Variants in THADA observed in about 807,000 individuals in gnomAD.
The protein encoded by THADA is THADA armadillo repeat containing.
Under a neutral mutation model 219.8 loss-of-function variants are expected in THADA, and 213 were observed. The ratio of observed to expected loss-of-function variants is 0.97; its 90% CI spans 0.87 to 1.09. The LOEUF (loss-of-function observed/expected upper bound fraction) is 1.09, where lower values mean the gene tolerates loss of function less well. Among genes scored for constraint, THADA ranks in the 50% least tolerant of loss-of-function variants. The pLI is 0.00. For missense variants in THADA, 2,956 were observed against 2,311.3 expected (o/e 1.28, Z -5.72); for synonymous variants, 1,018 against 828.9 (o/e 1.23, Z -3.92).
intron 31 of THADA, among the ~76,000 whole-genome samples, chr2:43,314,290 A>G (rs1469893321): frequency 6.6e-6 from 1 of 152,214 alleles, no homozygotes; most frequent in Non-Finnish European, 1.5e-5. Context: ...AATATATTAC[A>G]CATACACATA....
At chr2:43,381,707 T>C (rs1558668430) in intron 29 of THADA, among the ~76,000 whole-genome samples, 1 of 151,848 alleles carries the variant, frequency 6.6e-6, no homozygotes, top group Non-Finnish European at 1.5e-5. Context: ...GCCTCCTGAG[T>C]GGCTGAGATT....
rs1325550343 is a variant in THADA at position 43,452,969 on chromosome 2, AGT to A, written c.3837-22669_3837-22668del. Among the ~76,000 whole-genome samples the A allele has an allele frequency of 8.5e-5, 13 of 152,234 alleles. No individual in the cohort carries two copies. In the East Asian group the frequency reaches 2.3e-3, roughly 27 times the overall value. On this transcript the variant is annotated intron_variant, in intron 26 of 37. Transcript: ENST00000405975. Reference sequence around the variant, plus strand: ...TCCCGTGCAAATCAAACCAGAAAAGAGTGTGTGTATTTGTTCTTATTCAGGCT... The same window carrying A: ...TCCCGTGCAAATCAAACCAGAAAAGAGTGTGTATTTGTTCTTATTCAGGCT...
At chr2:43,411,701 A>G (rs780572508) in intron 28 of THADA, among the ~76,000 whole-genome samples, 4 of 152,164 alleles carry the variant, frequency 2.6e-5, no homozygotes, top group Non-Finnish European at 5.9e-5. Flanking sequence ...GATGAAACAA[A>G]ACTGATTACA....
At chr2:43,295,265 G>A (rs1033591460) in intron 31 of THADA, among the ~76,000 whole-genome samples, 3 of 152,220 alleles carry the variant, frequency 2.0e-5, no homozygotes, top group Non-Finnish European at 4.4e-5. Flanking sequence ...ATGCCTAAAT[G>A]CCCAAAATCA....
At chr2:43,309,790 T>G (rs1259399645) in intron 31 of THADA, among the ~76,000 whole-genome samples, 2 of 152,198 alleles carry the variant, frequency 1.3e-5, no homozygotes, top group East Asian at 3.9e-4. Context: ...GTATTGGAGG[T>G]TCTAGCCAGA....
intron 30 of THADA, among the ~76,000 whole-genome samples, chr2:43,334,779 C>CA (rs985874636): frequency 0.012 from 1,688 of 140,818 alleles, 15 homozygotes; most frequent in African/African-American, 0.019. Flanking sequence ...CGTCTCAAAA[C>CA]AAAAAAAAAA....
At chr2:43,529,467 C>T (rs1299794593) in intron 21 of THADA, among the ~76,000 whole-genome samples, 1 of 152,192 alleles carries the variant, frequency 6.6e-6, no homozygotes, top group Non-Finnish European at 1.5e-5. Context: ...CTGCATCAGC[C>T]TCCCGAGTAG....
intron 9 of THADA, among the ~76,000 whole-genome samples, chr2:43,578,116 A>T (rs2104063665): frequency 6.6e-6 from 1 of 152,154 alleles, no homozygotes; most frequent in East Asian, 1.9e-4. Flanking sequence ...CAATGCAAAA[A>T]AAAATTATTT....
chr2:43,305,566 G>T (rs886256551), intron 31 of THADA, among the ~76,000 whole-genome samples: 1 of 152,152 alleles, frequency 6.6e-6, no homozygotes, highest in African/African-American at 2.4e-5. Context: ...TCAAGTGTAG[G>T]ATTCCCGATC....
intron 29 of THADA, among the ~76,000 whole-genome samples, chr2:43,376,152 G>GTATCTTTATCT (rs1671358651): frequency 1.3e-5 from 2 of 152,286 alleles, no homozygotes; most frequent in East Asian, 3.9e-4. Flanking sequence ...TTTATTAGGT[G>GTATCTTTATCT]TATATAAAGA....
intron 36 of THADA, among the ~76,000 whole-genome samples, chr2:43,258,023 G>A (rs539854593): frequency 2.0e-5 from 3 of 152,204 alleles, no homozygotes; most frequent in African/African-American, 4.8e-5. Context: ...TGCTTATTAG[G>A]TTTATTACTG....
At chr2:43,494,595 G>C (rs1428329710) in intron 25 of THADA, among the ~76,000 whole-genome samples, 1 of 151,966 alleles carries the variant, frequency 6.6e-6, no homozygotes, top group African/African-American at 2.4e-5. Flanking sequence ...TGTAAAATGA[G>C]GATTATAACA....
chr2:43,588,259 A>G (rs1247458974), intron 4 of THADA, among the ~76,000 whole-genome samples: 1 of 152,068 alleles, frequency 6.6e-6, no homozygotes, highest in African/African-American at 2.4e-5. Flanking sequence ...CACTACATTC[A>G]AAGCTTAATT....
chr2:43,478,430 T>C (rs1685798586), intron 26 of THADA, among the ~76,000 whole-genome samples: 1 of 152,344 alleles, frequency 6.6e-6, no homozygotes, highest in South Asian at 2.1e-4. Flanking sequence ...CAAGAAATAC[T>C]GCTTGTAAAC....
chr2:43,551,977 A>G, intron 18 of THADA, 52 bp from the exon 19 acceptor site: 1 of 1,581,138 alleles, frequency 6.3e-7, no homozygotes, highest in South Asian at 1.2e-5. Flanking sequence ...ATCACATTTT[A>G]AAAATGAAAA....
rs1015475147 is a variant in THADA at position 43,581,932 on chromosome 2, T to C, written c.534-4A>G. The C allele has an allele frequency of 8.5e-6, 13 of 1,527,598 alleles. 1 individual carries two copies. The South Asian group carries it at 1.2e-4, about 14-fold the overall frequency. The allele number at this position is 1,527,598 out of a possible 1,614,324, so 94.6% of individuals were successfully genotyped here. A position where few individuals can be genotyped will look rare whatever the true frequency, so the allele number is the denominator to read the frequency against. ...AATATGATTTCCAGCACATTTTCTA[T>C]AAAGAAGAAAAGACATTATTACAAA... is the stretch of plus-strand genomic sequence containing the variant. On this transcript the variant is annotated splice_region_variant and splice_polypyrimidine_tract_variant and intron_variant, in intron 7 of 37. Transcript: ENST00000405975.
At chr2:43,298,677 G>A (rs1357118062) in intron 31 of THADA, among the ~76,000 whole-genome samples, 2 of 152,136 alleles carry the variant, frequency 1.3e-5, no homozygotes, top group African/African-American at 2.4e-5. Context: ...CAGGCTGAGT[G>A]TAAGTATAGT....
chr2:43,244,524 C>T lies in THADA; in HGVS notation c.5297-11642G>A, dbSNP rs1436495507. Reference sequence around the variant, plus strand: ...CTCTGGAGCTCAGCAGGAAAGGGTACGGCACCCATGGGCTGTTCATGTGGG... The same window carrying T: ...CTCTGGAGCTCAGCAGGAAAGGGTATGGCACCCATGGGCTGTTCATGTGGG... On this transcript the variant is annotated intron_variant, in intron 36 of 37. Coordinates refer to ENST00000405975, the MANE Select transcript of THADA (RefSeq NM_022065.5). 2.6e-5 allele frequency among the ~76,000 whole-genome samples: 4 copies of T among 152,190 alleles called. No homozygotes were observed. The East Asian group carries it at 5.8e-4, about 22-fold the overall frequency.
intron 36 of THADA, among the ~76,000 whole-genome samples, chr2:43,235,273 C>T (rs1256500288): frequency 6.6e-6 from 1 of 152,054 alleles, no homozygotes; most frequent in Non-Finnish European, 1.5e-5. Flanking sequence ...AACCACTGTG[C>T]CCAGCTTATC....
Sources: gnomAD v4.1 joint callset for allele counts (sites outside exome capture counted in the v4.1 genomes callset) on GRCh38, gnomAD v4.1.1 for gene constraint, MANE v1.5 for transcripts, NCBI Gene and HGNC (gene_info 2026-07-23, HGNC 2026-07-21) for gene names.